SNPH: variants seen among roughly 807,000 people sequenced by gnomAD.
SNPH encodes syntaphilin.
Under a neutral mutation model 36.8 loss-of-function variants are expected in SNPH, and 10 were observed. That is an observed-to-expected ratio of 0.27 (90% CI 0.17 to 0.46). The LOEUF (loss-of-function observed/expected upper bound fraction) is 0.46. Ranked by LOEUF, SNPH falls within the 20% of genes least tolerant of loss-of-function variation. The pLI, the probability that SNPH is intolerant of heterozygous loss-of-function variation, is 1.00. For synonymous variants in SNPH, 281 were observed against 312.2 expected (o/e 0.90, Z 1.05); for missense variants, 622 against 744.0 (o/e 0.84, Z 1.91).
At position 1,305,340 on chromosome 20, in the gene SNPH, G is replaced by T. The variant is rs186046719; in HGVS notation, c.903G>T (p.Ala301=). The T allele has an allele frequency of 1.2e-6, 2 of 1,611,262 alleles. No individual in the cohort carries two copies. Among genetic ancestry groups the T allele is most frequent in the Non-Finnish European group, 1.7e-6 (2 of 1,179,630 alleles). ...ATGACACACTGAGCCGGACGGACGC[G>T]CTGGAAGCCAGCAGCCTGCTGTCGT... ...AADDTLSRTD[A]LEASSLLSSG... The change falls in exon 7 of 7, where the codon GCG becomes GCT. Residue 301 remains alanine, a synonymous_variant. Coordinates refer to ENST00000381867, the MANE Select transcript of SNPH (RefSeq NM_001318234.2).
intron 6 of SNPH, among the ~76,000 whole-genome samples, chr20:1,301,399 G>A (rs979865668): frequency 3.9e-5 from 6 of 152,116 alleles, no homozygotes; most frequent in African/African-American, 9.7e-5. Context: ...TATCCTTCTC[G>A]GGACTGTGTC....
At chr20:1,281,172 C>T (rs984899251) in intron 2 of SNPH, among the ~76,000 whole-genome samples, 19 of 152,184 alleles carry the variant, frequency 1.2e-4, no homozygotes, top group Middle Eastern at 3.2e-3. Context: ...CAGCCTATCT[C>T]TTCTGGGGAC....
In SNPH at chr20:1,266,647, C is replaced by T. The variant is rs2088007988; in HGVS notation, c.-599-7C>T. On this transcript the variant is annotated splice_region_variant and splice_polypyrimidine_tract_variant and intron_variant, in intron 1 of 6. Transcript: ENST00000381867. This position sits in a 1 kb window ranked among gnomAD's most constrained non-coding sequence, Gnocchi z 6.0. Reference sequence around the variant, plus strand: ...CCCCGGTCTATCTCTTTTTCCTAACCCCGCAGGTCGCTGATCAGGGCCAGG... The same window carrying T: ...CCCCGGTCTATCTCTTTTTCCTAACTCCGCAGGTCGCTGATCAGGGCCAGG... 2 of 1,487,444 alleles carry T rather than the reference C, an allele frequency of 1.3e-6. No homozygotes were observed. Among genetic ancestry groups the T allele is most frequent in the Non-Finnish European group, 8.9e-7 (1 of 1,121,312 alleles). 92.1% of individuals were successfully genotyped at this position (1,487,444 alleles called of 1,614,324 possible).
At chr20:1,293,388 A>G (rs2088388406) in intron 2 of SNPH, among the ~76,000 whole-genome samples, 1 of 152,168 alleles carries the variant, frequency 6.6e-6, no homozygotes. Flanking sequence ...ATGAGAGACT[A>G]TCAGCCCAGC....
rs867347470 is a variant in SNPH, at chr20:1,296,260, C to T, written c.21C>T (p.Ser7=). 2.8e-5 allele frequency: 43 copies of T among 1,541,510 alleles called. No homozygotes were observed. Among genetic ancestry groups the T allele is most frequent in the South Asian group, 3.6e-5 (3 of 82,992 alleles). ...AAGCCATGCCGGGCAGCGGCCCCAG[C>T]GAGAGGATGACGTGGCCTGGCCCGG... MPGSGP[S]ERMTWPGPAL... is the part of the protein sequence containing the mutation. Residue 7 remains serine, a synonymous_variant, in exon 4 of 7, where the codon AGC becomes AGT. Coordinates refer to ENST00000381867, the MANE Select transcript of SNPH (RefSeq NM_001318234.2).
chr20:1,297,109 C>T, intron 4 of SNPH, 36 bp from the exon 5 acceptor site: 1 of 1,588,222 alleles, frequency 6.3e-7, no homozygotes, highest in South Asian at 1.1e-5. Context: ...TGCCCGCCAG[C>T]CAGAACGAGC....
At chr20:1,267,037 A>C (rs1191799631) in intron 2 of SNPH, among the ~76,000 whole-genome samples, 4 of 151,402 alleles carry the variant, frequency 2.6e-5, no homozygotes, top group Non-Finnish European at 5.9e-5. Context: ...CCCACCCCCC[A>C]ATTTTATTTG....
chr20:1,303,162 C>T (rs937200077), intron 6 of SNPH, among the ~76,000 whole-genome samples: 3 of 152,260 alleles, frequency 2.0e-5, no homozygotes, highest in Non-Finnish European at 4.4e-5. Context: ...CCTGTGCTTC[C>T]TGCAGTGGCC....
rs758511405 is a variant in SNPH at position 1,305,987 on chromosome 20, G to A, written c.1550G>A (p.Arg517His). 10 of 1,540,946 alleles carry A rather than the reference G, an allele frequency of 6.5e-6. No individual in the cohort carries two copies. The highest frequency in any genetic ancestry group is 1.4e-5 in the African/African-American group (1 of 72,962). Residue 517 changes from arginine (R) to histidine (H), a missense_variant, in exon 7 of 7, where the codon CGC becomes CAC. By Grantham distance (29) the Arg-to-His change is conservative. Around this residue, in one of 3 missense-constraint regions of SNPH, gnomAD observed 379 missense variants for 427.9 expected, o/e 0.89. Coordinates refer to ENST00000381867, the MANE Select transcript of SNPH (RefSeq NM_001318234.2). ...GCCTVALHSI[R>H]RISCRSLSQP... ...TGCACTGTGGCCTTGCACTCCATCC[G>A]CAGGATCAGCTGCCGCTCGCTGAGC...
intron 2 of SNPH, among the ~76,000 whole-genome samples, chr20:1,290,989 T>C (rs1304869227): frequency 2.0e-5 from 3 of 152,238 alleles, no homozygotes; most frequent in Admixed American, 2.0e-4. Context: ...ACACCTTCCA[T>C]ATGTAAAACA....
At chr20:1,272,620 C>T (rs532167339) in intron 2 of SNPH, among the ~76,000 whole-genome samples, 2 of 152,322 alleles carry the variant, frequency 1.3e-5, no homozygotes, top group Admixed American at 6.5e-5. Flanking sequence ...ACCGGCCATC[C>T]GTCTGTGACC....
rs1036934920 is a variant in SNPH, at chr20:1,266,365, G to T, written c.-632G>T. ...TCGGGAGAGCAATTCGGCGGCCCCT[G>T]CAGGGCAGCTGAAGCCATGGAAGCC... On this transcript the variant is annotated 5_prime_UTR_variant, in exon 1 of 7. Transcript: ENST00000381867. This position sits in a 1 kb window ranked among gnomAD's most constrained non-coding sequence, Gnocchi z 6.0. 1 of 305,398 alleles carries T rather than the reference G, an allele frequency of 3.3e-6. No individual in the cohort carries two copies. The highest frequency in any genetic ancestry group is 6.0e-6 in the Non-Finnish European group (1 of 167,624). 18.9% of individuals were successfully genotyped at this position (305,398 alleles called of 1,614,324 possible). A position where few individuals can be genotyped will look rare whatever the true frequency, so the allele number is the denominator to read the frequency against.
chr20:1,288,220 C>T (rs2088307073), intron 2 of SNPH, among the ~76,000 whole-genome samples: 1 of 152,208 alleles, frequency 6.6e-6, no homozygotes, highest in Non-Finnish European at 1.5e-5. Flanking sequence ...GAGAGATCTC[C>T]TTCGACAGGT....
chr20:1,298,324 C>T (rs924156091), intron 5 of SNPH, among the ~76,000 whole-genome samples: 9 of 152,330 alleles, frequency 5.9e-5, no homozygotes, highest in African/African-American at 2.2e-4. Flanking sequence ...AGATGCCCAG[C>T]CTGTGGCTCC....
chr20:1,306,135 C>A lies in SNPH; in HGVS notation c.*81C>A. On this transcript the variant is annotated 3_prime_UTR_variant, in exon 7 of 7. Coordinates refer to ENST00000381867, the MANE Select transcript of SNPH (RefSeq NM_001318234.2). Reference sequence around the variant, plus strand: ...GTTCCCCCCTCCCTTCTCCCATGGGCATCATCTTATTTATTTAGTTTTGGG... The same window carrying A: ...GTTCCCCCCTCCCTTCTCCCATGGGAATCATCTTATTTATTTAGTTTTGGG... 1 of 1,131,480 alleles carries A rather than the reference C, an allele frequency of 8.8e-7. No individual in the cohort carries two copies. Among genetic ancestry groups the A allele is most frequent in the African/African-American group, 1.6e-5 (1 of 61,994 alleles). 70.1% of individuals were successfully genotyped at this position (1,131,480 alleles called of 1,614,324 possible). A position where few individuals can be genotyped will look rare whatever the true frequency, so the allele number is the denominator to read the frequency against.
At chr20:1,277,831 CTGTG>C (rs1178998068) in intron 2 of SNPH, among the ~76,000 whole-genome samples, 1 of 110,560 alleles carries the variant, frequency 9.0e-6, no homozygotes, top group African/African-American at 3.6e-5. Flanking sequence ...GTCTGTGTAT[CTGTG>C]TGTGTCAGTG....
Position 1,304,851 on chromosome 20 carries a change from G to A in SNPH, c.441-27G>A. On this transcript the variant is annotated intron_variant, in intron 6 of 6. Coordinates refer to ENST00000381867, the MANE Select transcript of SNPH (RefSeq NM_001318234.2). The surrounding 1 kb of genome is among the most constrained non-coding windows in gnomAD (Gnocchi z 4.3). ...GACAGACCAGGCAGGCAGGCAGTGA[G>A]CGTGTGTGTGTCTCCTCGGCTCGCA... 1 of 1,601,634 alleles carries A rather than the reference G, an allele frequency of 6.2e-7. No individual in the cohort carries two copies. The highest frequency in any genetic ancestry group is 8.5e-7 in the Non-Finnish European group (1 of 1,172,810).
intron 2 of SNPH, among the ~76,000 whole-genome samples, chr20:1,273,789 G>A (rs2088099276): frequency 6.6e-6 from 1 of 152,066 alleles, no homozygotes; most frequent in Non-Finnish European, 1.5e-5. Flanking sequence ...ATGGGACGGA[G>A]AAAAAAAGAA....
chr20:1,280,937 T>C (rs1161343346), intron 2 of SNPH, among the ~76,000 whole-genome samples: 1 of 152,198 alleles, frequency 6.6e-6, no homozygotes, highest in African/African-American at 2.4e-5. Context: ...CTAGCCAGGT[T>C]CCCAAGCCCA....
Sources: gnomAD v4.1 joint callset for allele counts (sites outside exome capture counted in the v4.1 genomes callset) on GRCh38, gnomAD v4.1.1 for gene constraint, gnomAD v4.1.1 regional missense constraint, Gnocchi (gnomAD v3.1) non-coding constraint, MANE v1.5 for transcripts, NCBI Gene and HGNC (gene_info 2026-07-23, HGNC 2026-07-21) for gene names.